CCNY: variants seen among roughly 807,000 people sequenced by gnomAD.
CCNY encodes cyclin Y.
A neutral mutation model predicts 42.8 loss-of-function variants in CCNY; 19 were observed. The ratio of observed to expected loss-of-function variants is 0.44; its 90% CI spans 0.31 to 0.65. CCNY has a LOEUF of 0.65. CCNY is among the 30% of genes least tolerant of loss of function. CCNY has a pLI of 0.07. For missense variants in CCNY, 370 were observed against 437.3 expected (o/e 0.85, Z 1.37); for synonymous variants, 165 against 162.7 (o/e 1.01, Z -0.11).
At chr10:35,331,312 TC>T (rs1014812447) in intron 3 of CCNY, among the ~76,000 whole-genome samples, 3 of 152,208 alleles carry the variant, frequency 2.0e-5, no homozygotes, top group African/African-American at 7.2e-5. Context: ...TTCTCAAGGA[TC>T]CCACATATAT....
Position 35,474,927 on chromosome 10 carries a change from A to G in CCNY, c.155-8477A>G, listed in dbSNP as rs556912681. Among the ~76,000 whole-genome samples the G allele has an allele frequency of 1.9e-3, 285 of 151,722 alleles. 1 individual carries two copies. Among genetic ancestry groups the G allele is most frequent in the Non-Finnish European group, 2.9e-3 (199 of 67,608 alleles). ...AAATTTAGAAGAATGTATAACTAGA[A>G]TAACCAATACAGAGAAGTGCTTAAA... On this transcript the variant is annotated intron_variant, in intron 1 of 9. Transcript: ENST00000374704.
Position 35,530,255 on chromosome 10 carries a change from C to T in CCNY, c.579+12C>T, listed in dbSNP as rs757058476. The stretch of plus-strand genomic sequence containing the variant: ...CCATCGTCACCCTGGTGAGTGCCCT[C>T]AGGATGGCCACACCCATCCCCAGCC... On this transcript the variant is annotated intron_variant, in intron 7 of 9. Transcript: ENST00000374704. The surrounding 1 kb of genome is among the most constrained non-coding windows in gnomAD (Gnocchi z 4.3). The T allele has an allele frequency of 1.9e-6, 3 of 1,614,080 alleles. No individual in the cohort carries two copies. The highest frequency in any genetic ancestry group is 2.5e-6 in the Non-Finnish European group (3 of 1,180,010).
intron 3 of CCNY, among the ~76,000 whole-genome samples, chr10:35,280,957 G>A (rs982768302): frequency 6.6e-5 from 10 of 152,092 alleles, no homozygotes; most frequent in South Asian, 4.1e-4. Context: ...GTATTTCTCC[G>A]AAGAATACAT....
chr10:35,345,386 G>A (rs1445194175), intron 1 of CCNY, among the ~76,000 whole-genome samples: 2 of 151,426 alleles, frequency 1.3e-5, no homozygotes, highest in East Asian at 2.0e-4. Flanking sequence ...GGAGAATGGC[G>A]TGAACCCAGG....
At chr10:35,436,987 A>C (rs1303324075) in intron 1 of CCNY, among the ~76,000 whole-genome samples, 1 of 152,232 alleles carries the variant, frequency 6.6e-6, no homozygotes, top group Non-Finnish European at 1.5e-5. Context: ...TCATGGCGGA[A>C]GGCGGAAGAC....
chr10:35,566,373 C>T, intron 9 of CCNY, 188 bp downstream of exon 9: 1 of 642,204 alleles, frequency 1.6e-6, no homozygotes, highest in South Asian at 2.1e-5. Flanking sequence ...GAGACGGAGT[C>T]TCGCTCTGTC....
intron 3 of CCNY, among the ~76,000 whole-genome samples, chr10:35,514,659 C>G (rs1192496911): frequency 6.6e-6 from 1 of 152,152 alleles, no homozygotes; most frequent in Non-Finnish European, 1.5e-5. Context: ...CTTTGCAAGC[C>G]CTGTTACATT....
At chr10:35,507,950 T>G (rs1229048614) in intron 3 of CCNY, among the ~76,000 whole-genome samples, 1 of 152,160 alleles carries the variant, frequency 6.6e-6, no homozygotes, top group Non-Finnish European at 1.5e-5. Flanking sequence ...TGACTCTTGT[T>G]GCTGATGTTG....
At chr10:35,562,052 G>A (rs907254658) in intron 8 of CCNY, among the ~76,000 whole-genome samples, 3 of 152,224 alleles carry the variant, frequency 2.0e-5, no homozygotes, top group Admixed American at 6.5e-5. Context: ...ATGGGGAAAG[G>A]ACAGTGAAAT....
intron 1 of CCNY, among the ~76,000 whole-genome samples, chr10:35,478,232 C>A (rs1839566366): frequency 6.7e-6 from 1 of 148,726 alleles, no homozygotes; most frequent in East Asian, 2.0e-4. Context: ...TTTACAGATT[C>A]AATGCCATCC....
At chr10:35,286,507 C>G (rs1835355951) in intron 3 of CCNY, among the ~76,000 whole-genome samples, 1 of 152,060 alleles carries the variant, frequency 6.6e-6, no homozygotes, top group East Asian at 1.9e-4. Context: ...TACAGGCACC[C>G]TCCACCGTGC....
At chr10:35,332,893 C>T (rs1022834022), upstream of CCNY, among the ~76,000 whole-genome samples, 1 of 152,168 alleles carries the variant, frequency 6.6e-6, no homozygotes, top group Admixed American at 6.5e-5. Context: ...TGTGAACCAC[C>T]GCGCCCGGCC....
chr10:35,249,368 T>G (rs542790815), intron 2 of CCNY, among the ~76,000 whole-genome samples: 1 of 152,182 alleles, frequency 6.6e-6, no homozygotes, highest in Non-Finnish European at 1.5e-5. Flanking sequence ...GGCTTTTTTG[T>G]GTATGTATAA....
chr10:35,451,675 A>G (rs923606565), intron 1 of CCNY, among the ~76,000 whole-genome samples: 3 of 152,356 alleles, frequency 2.0e-5, no homozygotes, highest in African/African-American at 7.2e-5. Flanking sequence ...CCACAAGCCC[A>G]GGAGCCTCCT....
intron 4 of CCNY, among the ~76,000 whole-genome samples, chr10:35,518,780 C>G (rs1840482094): frequency 7.0e-6 from 1 of 142,212 alleles, no homozygotes; most frequent in East Asian, 2.1e-4. Flanking sequence ...TTGATTGAAT[C>G]TGGCTGAGGT....
At chr10:35,410,341 G>A (rs1706396916) in intron 1 of CCNY, among the ~76,000 whole-genome samples, 1 of 152,066 alleles carries the variant, frequency 6.6e-6, no homozygotes, top group African/African-American at 2.4e-5. Flanking sequence ...CACCTGCTCT[G>A]TTGGCATGCC....
intron 3 of CCNY, among the ~76,000 whole-genome samples, chr10:35,291,897 A>G (rs964822912): frequency 6.6e-6 from 1 of 152,192 alleles, no homozygotes; most frequent in Non-Finnish European, 1.5e-5. Context: ...TAGGAATAGA[A>G]TTGCTGGGCC....
At chr10:35,312,747 CTTTTT>C (rs10688043) in intron 3 of CCNY, among the ~76,000 whole-genome samples, 16 of 112,136 alleles carry the variant, frequency 1.4e-4, no homozygotes, top group Admixed American at 5.3e-4. Flanking sequence ...TTCCTTTTTA[CTTTTT>C]TTTTTTTTTT....
chr10:35,368,304 T>G (rs1221358087), intron 1 of CCNY, among the ~76,000 whole-genome samples: 1 of 152,238 alleles, frequency 6.6e-6, no homozygotes, highest in African/African-American at 2.4e-5. Flanking sequence ...TGTGTCGCAG[T>G]GTTTTTCATT....
Sources: allele counts gnomAD v4.1 joint callset (sites outside exome capture counted in the v4.1 genomes callset), GRCh38; gene constraint gnomAD v4.1.1; non-coding constraint Gnocchi (gnomAD v3.1); transcripts MANE v1.5; gene names NCBI Gene and HGNC (gene_info 2026-07-23, HGNC 2026-07-21).